The following GABRB2 variants were observed in gnomAD, a reference collection of about 807,000 sequenced individuals.
The protein encoded by GABRB2 is gamma-aminobutyric acid type A receptor subunit beta2, also known as gamma-aminobutyric acid receptor subunit beta-2.
A neutral mutation model predicts 54.7 loss-of-function variants in GABRB2; 16 were observed. That is an observed-to-expected ratio of 0.29 (90% confidence interval 0.20 to 0.44). The LOEUF (loss-of-function observed/expected upper bound fraction) is 0.44. Ranked by LOEUF, GABRB2 falls within the 20% of genes least tolerant of loss-of-function variation. GABRB2 has a pLI of 1.00. For missense variants in GABRB2, 355 were observed against 644.0 expected (o/e 0.55, Z 4.86); for synonymous variants, 244 against 233.8 (o/e 1.04, Z -0.40).
chr5:161,378,506 TCTTA>T (rs1755373914), intron 5 of GABRB2, among the ~76,000 whole-genome samples: 1 of 152,144 alleles, frequency 6.6e-6, no homozygotes, highest in Admixed American at 6.6e-5. Context: ...GTTTTTTGTT[TCTTA>T]CTTGTTTACT....
rs1189053347 is a variant in GABRB2 at position 161,292,262 on chromosome 5, C to T, written c.*1819G>A. 6.6e-6 allele frequency: 1 copy of T among 152,156 alleles called. No individual in the cohort carries two copies. The allele number at this position is 152,156 out of a possible 1,614,324, so 9.4% of individuals were successfully genotyped here. A position where few individuals can be genotyped will look rare whatever the true frequency, so the allele number is the denominator to read the frequency against. ...GAATCAAGAAAACATACATTATTCA[C>T]AGGTGGATACTGGCTGCTATGCACA... On this transcript the variant is annotated 3_prime_UTR_variant, in exon 10 of 10. Coordinates refer to ENST00000393959, the MANE Select transcript of GABRB2 (RefSeq NM_001371727.1).
Position 161,293,825 on chromosome 5 carries a change from T to C in GABRB2, c.*256A>G, listed in dbSNP as rs1204472383. ...TAGGCTGCATACTAAACAGACAACA[T>C]GGAGCACTCAGGCTGTCTAGCCACC... On this transcript the variant is annotated 3_prime_UTR_variant, in exon 10 of 10. Transcript: ENST00000393959. 2.1e-6 allele frequency: 1 copy of C among 469,222 alleles called. No homozygotes were observed. Among genetic ancestry groups the C allele is most frequent in the Non-Finnish European group, 3.8e-6 (1 of 260,272 alleles). The allele number at this position is 469,222 out of a possible 1,614,324, so 29.1% of individuals were successfully genotyped here. A position where few individuals can be genotyped will look rare whatever the true frequency, so the allele number is the denominator to read the frequency against.
At chr5:161,513,806 A>G (rs1295569432) in intron 3 of GABRB2, among the ~76,000 whole-genome samples, 1 of 152,132 alleles carries the variant, frequency 6.6e-6, no homozygotes, top group East Asian at 1.9e-4. Flanking sequence ...TATTTTAAAA[A>G]TTAAAAATAA....
chr5:161,495,390 C>T (rs1759204256), intron 3 of GABRB2, among the ~76,000 whole-genome samples: 1 of 151,772 alleles, frequency 6.6e-6, no homozygotes, highest in African/African-American at 2.4e-5. Context: ...AACTGATTAA[C>T]ATAGCAAAAT....
chr5:161,383,345 G>C (rs1302995155), intron 5 of GABRB2, among the ~76,000 whole-genome samples: 1 of 151,714 alleles, frequency 6.6e-6, no homozygotes, highest in Non-Finnish European at 1.5e-5. Flanking sequence ...ACATATTAAT[G>C]CAATCATGTG....
At chr5:161,353,850 T>G (rs1754541393) in intron 5 of GABRB2, among the ~76,000 whole-genome samples, 1 of 151,974 alleles carries the variant, frequency 6.6e-6, no homozygotes, top group Non-Finnish European at 1.5e-5. Context: ...CCTAAAGTAC[T>G]AAAAGTTATT....
intron 5 of GABRB2, among the ~76,000 whole-genome samples, chr5:161,363,653 G>C (rs1276638599): frequency 2.6e-5 from 4 of 152,176 alleles, no homozygotes; most frequent in Admixed American, 1.3e-4. Context: ...AGTGAGCTAT[G>C]ATGGTGCCAC....
intron 3 of GABRB2, among the ~76,000 whole-genome samples, chr5:161,496,811 T>G (rs1278976271): frequency 6.6e-6 from 1 of 152,172 alleles, no homozygotes; most frequent in African/African-American, 2.4e-5. Context: ...TTTTTTCAAC[T>G]AATATTGATA....
chr5:161,408,431 T>G (rs1756409282), intron 5 of GABRB2, among the ~76,000 whole-genome samples: 1 of 152,198 alleles, frequency 6.6e-6, no homozygotes, highest in East Asian at 1.9e-4. Flanking sequence ...CTATTAGATC[T>G]TTAGAGCTTA....
chr5:161,406,867 G>A (rs1756362986), intron 5 of GABRB2, among the ~76,000 whole-genome samples: 2 of 152,018 alleles, frequency 1.3e-5, no homozygotes, highest in Admixed American at 6.6e-5. Context: ...GAAGGCCTAT[G>A]AAAGAGCTGC....
chr5:161,395,530 A>G (rs1245256897), intron 5 of GABRB2, among the ~76,000 whole-genome samples: 1 of 150,058 alleles, frequency 6.7e-6, no homozygotes, highest in Non-Finnish European at 1.5e-5. Context: ...AAAAAAAGGC[A>G]GACATTTATT....
At chr5:161,527,385 A>C (rs142023050) in intron 3 of GABRB2, among the ~76,000 whole-genome samples, 2,176 of 151,626 alleles carry the variant, frequency 0.014, 57 homozygotes, top group African/African-American at 0.048. Flanking sequence ...ATTTTCATAA[A>C]ATACTGGAAT....
Position 161,426,516 on chromosome 5 carries a change from T to C in GABRB2, c.459-15459A>G, listed in dbSNP as rs539014153. Among the ~76,000 whole-genome samples the C allele has an allele frequency of 2.0e-5, 3 of 151,992 alleles. No homozygotes were observed. In the South Asian group the frequency reaches 6.2e-4, roughly 32 times the overall value. On this transcript the variant is annotated intron_variant, in intron 4 of 9. Transcript: ENST00000393959. ...GAAAAAAAATGTACTTGACTGAAAA[T>C]TCCCTCTCAAAACACACATCTGTAA...
intron 3 of GABRB2, among the ~76,000 whole-genome samples, chr5:161,471,451 T>C (rs963571619): frequency 1.3e-5 from 2 of 151,994 alleles, no homozygotes; most frequent in Non-Finnish European, 2.9e-5. Context: ...AAGCACATGG[T>C]AGCAGCCCTG....
At chr5:161,491,701 A>G (rs1407689322) in intron 3 of GABRB2, among the ~76,000 whole-genome samples, 1 of 151,638 alleles carries the variant, frequency 6.6e-6, no homozygotes, top group Non-Finnish European at 1.5e-5. Flanking sequence ...TTATAAAGGT[A>G]AGAGAGGTAC....
chr5:161,460,100 G>A (rs1758073730), intron 3 of GABRB2, among the ~76,000 whole-genome samples: 2 of 152,056 alleles, frequency 1.3e-5, no homozygotes, highest in Admixed American at 1.3e-4. Flanking sequence ...ATGTGCCATC[G>A]CACCCAGCTC....
intron 5 of GABRB2, among the ~76,000 whole-genome samples, chr5:161,355,348 G>T (rs1561619808): frequency 6.8e-6 from 1 of 148,024 alleles, no homozygotes; most frequent in Admixed American, 6.8e-5. Context: ...TGGTATATAT[G>T]ATATAATATA....
chr5:161,314,134 C>A (rs936521310), intron 9 of GABRB2, among the ~76,000 whole-genome samples: 2 of 152,192 alleles, frequency 1.3e-5, no homozygotes, highest in African/African-American at 4.8e-5. Context: ...GGATCACGGG[C>A]TAAGGAAATC....
rs1395351497 is a variant in GABRB2 at position 161,292,430 on chromosome 5, A to T, written c.*1651T>A. 1 of 152,226 alleles carries T rather than the reference A, an allele frequency of 6.6e-6. No homozygotes were observed. The allele number at this position is 152,226 out of a possible 1,614,324, so 9.4% of individuals were successfully genotyped here. Reference sequence around the variant, plus strand: ...CTATTTTCTATAAGAAAAGCAAAATATGAGCCTTATATTGATAGAAGGAAG... The same window carrying T: ...CTATTTTCTATAAGAAAAGCAAAATTTGAGCCTTATATTGATAGAAGGAAG... On this transcript the variant is annotated 3_prime_UTR_variant, in exon 10 of 10. Coordinates refer to ENST00000393959, the MANE Select transcript of GABRB2 (RefSeq NM_001371727.1).
Sources: gnomAD v4.1 joint callset for allele counts (sites outside exome capture counted in the v4.1 genomes callset) on GRCh38, gnomAD v4.1.1 for gene constraint, MANE v1.5 for transcripts, NCBI Gene and HGNC (gene_info 2026-07-23, HGNC 2026-07-21) for gene names.